MAP3K12: variants seen among roughly 807,000 people sequenced by gnomAD.
The protein encoded by MAP3K12 is mitogen-activated protein kinase kinase kinase 12.
A neutral mutation model predicts 87.5 loss-of-function variants in MAP3K12; 14 were observed. The observed-to-expected ratio is 0.16, with a 90% confidence interval of 0.11 to 0.25. MAP3K12 has a LOEUF of 0.25. Among genes scored for constraint, MAP3K12 ranks in the 10% least tolerant of loss-of-function variants. MAP3K12 has a pLI of 1.00. For synonymous variants in MAP3K12, 469 were observed against 452.5 expected, an observed-to-expected ratio of 1.04 and a Z score of -0.46; for missense variants, 802 against 1,140.4, an observed-to-expected ratio of 0.70 and a Z score of 4.27.
chr12:53,491,287 C>CAA (rs780256956), intron 1 of MAP3K12, among the ~76,000 whole-genome samples: 8 of 52,856 alleles, frequency 1.5e-4, no homozygotes, highest in African/African-American at 1.9e-4. Flanking sequence ...GACTCTGTCT[C>CAA]AAAAAAAAAA....
upstream of MAP3K12, chr12:53,500,575 G>C (rs552432657): frequency 6.6e-6 from 1 of 152,510 alleles, no homozygotes; most frequent in Non-Finnish European, 1.5e-5. Context: ...AGCAAGTTCT[G>C]TGTCACGGAG....
intron 1 of MAP3K12, among the ~76,000 whole-genome samples, chr12:53,494,031 G>A (rs1167750854): frequency 6.6e-6 from 1 of 152,146 alleles, no homozygotes; most frequent in African/African-American, 2.4e-5. Flanking sequence ...TAGTAAAGTG[G>A]AGATTCCTCT....
At chr12:53,481,826 T>G in intron 13 of MAP3K12, 115 bp downstream of exon 13, 1 of 1,305,938 alleles carries the variant, frequency 7.7e-7, no homozygotes, top group Non-Finnish European at 1.1e-6. Context: ...GGATATTTGC[T>G]CTTTATGGTA....
At position 53,479,674 on chromosome 12, in the gene MAP3K12, T is replaced by TTTTTTTTTTTTGG; in HGVS notation, c.*1507_*1508insCCAAAAAAAAAAA. The stretch of plus-strand genomic sequence containing the variant: ...TAGTTTTATAAGCTTCTCCCTGGTT[T>TTTTTTTTTTTTGG]TTTTTTTTTGGCTCATGAATTTTTC... On this transcript the variant is annotated 3_prime_UTR_variant, in exon 14 of 14. Coordinates refer to ENST00000547488, the MANE Select transcript of MAP3K12 (RefSeq NM_001193511.2). 1 of 385,566 alleles carries TTTTTTTTTTTTGG rather than the reference T, an allele frequency of 2.6e-6. No individual in the cohort carries two copies. Among genetic ancestry groups the TTTTTTTTTTTTGG allele is most frequent in the Non-Finnish European group, 4.6e-6 (1 of 215,934 alleles). 23.9% of individuals were successfully genotyped at this position (385,566 alleles called of 1,614,324 possible). A position where few individuals can be genotyped will look rare whatever the true frequency, so the allele number is the denominator to read the frequency against.
chr12:53,489,025 G>A (rs1943326336), intron 1 of MAP3K12, among the ~76,000 whole-genome samples: 1 of 142,490 alleles, frequency 7.0e-6, no homozygotes, highest in African/African-American at 2.7e-5. Context: ...GTTGCAGTAA[G>A]CCAAGATCAC....
At chr12:53,485,581 A>C in intron 4 of MAP3K12, 106 bp from the exon 5 acceptor site, 7 of 1,258,508 alleles carry the variant, frequency 5.6e-6, no homozygotes, top group Non-Finnish European at 6.7e-6. Context: ...TTTGAGACGG[A>C]GTCTCACTCT....
rs1396579911 is a variant in MAP3K12 at position 53,482,105 on chromosome 12, G to C, written c.2416C>G (p.Pro806Ala). 2 of 1,614,192 alleles carry C rather than the reference G, an allele frequency of 1.2e-6. No homozygotes were observed. Among genetic ancestry groups the C allele is most frequent in the African/African-American group, 1.3e-5 (1 of 75,038 alleles). ...TASEPSPSGT[P>A]EVGSTNTDER... ...TCAGTGTTGGTGCTGCCAACTTCAG[G>C]TGTGCCACTGGGGGAAGGTTCACTA... is the stretch of plus-strand genomic sequence containing the variant. The change falls in exon 13 of 14, where the codon CCT becomes GCT. Residue 806 changes from proline to alanine, a missense_variant. This residue lies in a region of MAP3K12 where 490 missense variants were observed against 496.6 expected (regional missense o/e 0.99). Coordinates refer to ENST00000547488, the MANE Select transcript of MAP3K12 (RefSeq NM_001193511.2).
At chr12:53,484,394 GGGA>G in intron 6 of MAP3K12, 29 bp from the exon 7 acceptor site, 1 of 1,563,422 alleles carries the variant, frequency 6.4e-7, no homozygotes, top group Non-Finnish European at 8.8e-7. Flanking sequence ...GGAAGGAGAG[GGGA>G]GAATTTGAGG....
At chr12:53,488,021 T>TA (rs1337418605) in intron 1 of MAP3K12, 1 of 152,512 alleles carries the variant, frequency 6.6e-6, no homozygotes, top group African/African-American at 2.4e-5. Flanking sequence ...CCCAGGTACT[T>TA]ACACACGGTA....
rs1315137282 is a variant in MAP3K12, at chr12:53,487,217, C to T, written c.175G>A (p.Gly59Ser). Residue 59 changes from glycine (G) to serine (S), a missense_variant, in exon 2 of 14, where the codon GGT (glycine) becomes AGT (serine). Physicochemically the swap from Gly to Ser is moderately conservative, Grantham distance 56 (BLOSUM62 0). Around this residue, in one of 5 missense-constraint regions of MAP3K12, gnomAD observed 135 missense variants for 151.6 expected, o/e 0.89. Coordinates refer to ENST00000547488, the MANE Select transcript of MAP3K12 (RefSeq NM_001193511.2). ...LRDVVPLGGQ[G>S]GGGPSPSPGG... is the part of the protein sequence containing the mutation. ...GGGGAGGGGCTGGGCCCTCCCCCACCCTGCCCACCAAGGGGTACCACATCT... is the reference window on the plus strand; with the variant it reads ...GGGGAGGGGCTGGGCCCTCCCCCACTCTGCCCACCAAGGGGTACCACATCT... The T allele has an allele frequency of 6.2e-7, 1 of 1,614,004 alleles. No individual in the cohort carries two copies. Among genetic ancestry groups the T allele is most frequent in the Non-Finnish European group, 8.5e-7 (1 of 1,179,936 alleles).
rs1942992089 is a variant in MAP3K12 at position 53,480,686 on chromosome 12, TG to T, written c.*495del. The T allele has an allele frequency of 6.6e-6, 1 of 152,450 alleles. No individual in the cohort carries two copies. The highest frequency in any genetic ancestry group is 1.5e-5 in the Non-Finnish European group (1 of 68,036). 9.4% of individuals were successfully genotyped at this position (152,450 alleles called of 1,614,324 possible). ...ACAGGGCTTGGGCAGAGAAGATAAA[TG>T]GTGGGACAAAAAAATGAGTTACATT... On this transcript the variant is annotated 3_prime_UTR_variant, in exon 14 of 14. Coordinates refer to ENST00000547488, the MANE Select transcript of MAP3K12 (RefSeq NM_001193511.2).
chr12:53,485,343 T>A lies in MAP3K12; in HGVS notation c.954A>T (p.Glu318Asp), dbSNP rs555124500. 1 of 1,614,112 alleles carries A rather than the reference T, an allele frequency of 6.2e-7. No homozygotes were observed. Among genetic ancestry groups the A allele is most frequent in the East Asian group, 2.2e-5 (1 of 44,880 alleles). Residue 318 changes from glutamate (E) to aspartate (D), a missense_variant, in exon 5 of 14, where the codon GAA becomes GAT. Glu to Asp is a conservative substitution (Grantham distance 45, BLOSUM62 2). Coordinates refer to ENST00000547488, the MANE Select transcript of MAP3K12 (RefSeq NM_001193511.2). The stretch of plus-strand genomic sequence containing the variant: ...AGATGTCGACCTTCTCAGACACAGG[T>A]TCATTGCGGATCACCTCAGGGGCCA... ...AWMAPEVIRN[E>D]PVSEKVDIWS...
At position 53,487,163 on chromosome 12, in the gene MAP3K12, C is replaced by CAA; in HGVS notation, c.227_228dup (p.Ala77LeufsTer59). On this transcript the variant is annotated frameshift_variant, in exon 2 of 14. Coordinates refer to ENST00000547488, the MANE Select transcript of MAP3K12 (RefSeq NM_001193511.2). LOFTEE classifies it high-confidence loss of function. ...TCATGTAGCTGCAGGACACTGTTGG[C>CAA]AAAAGGCTCAGGGGGCGGCTCTCCA... is the stretch of plus-strand genomic sequence containing the variant. 6.2e-7 allele frequency: 1 copy of CAA among 1,614,050 alleles called. No individual in the cohort carries two copies. The highest frequency in any genetic ancestry group is 8.5e-7 in the Non-Finnish European group (1 of 1,179,988).
rs780247581 is a variant in MAP3K12 at position 53,482,728 on chromosome 12, C to T, written c.2075G>A (p.Gly692Glu). The T allele has an allele frequency of 6.2e-7, 1 of 1,614,064 alleles. No individual in the cohort carries two copies. Among genetic ancestry groups the T allele is most frequent in the South Asian group, 1.1e-5 (1 of 91,084 alleles). ...APGSTSPDSP[G>E]GAKGEPPPPV... ...AGGAGGTGGTTCCCCTTTGGCTCCC[C>T]CAGGTGAATCTGGGCTGGTGGAGCC... The change falls in exon 11 of 14, where the codon GGG (glycine) becomes GAG (glutamate). Residue 692 changes from glycine (G) to glutamate (E), a missense_variant. Around this residue, in one of 5 missense-constraint regions of MAP3K12, gnomAD observed 490 missense variants for 496.6 expected, o/e 0.99. Coordinates refer to ENST00000547488, the MANE Select transcript of MAP3K12 (RefSeq NM_001193511.2).
chr12:53,497,157 AT>A (rs1345364823), intron 1 of MAP3K12, among the ~76,000 whole-genome samples: 5 of 152,238 alleles, frequency 3.3e-5, no homozygotes, highest in Non-Finnish European at 1.5e-5. Context: ...TGATAACACT[AT>A]CTCACTTGGT....
Position 53,483,320 on chromosome 12 carries a change from A to G in MAP3K12, c.1613+29T>C, listed in dbSNP as rs756952711. 1.8e-5 allele frequency: 29 copies of G among 1,609,670 alleles called. No individual in the cohort carries two copies. The East Asian group carries it at 4.9e-4, about 27-fold the overall frequency. ...TTGCCACTTCAGTATCCCTCTTGCC[A>G]TATTGGAACCACAGTACTCATGTCC... On this transcript the variant is annotated intron_variant, in intron 10 of 13. Transcript: ENST00000547488.
chr12:53,495,328 T>C (rs1482159245), intron 1 of MAP3K12, among the ~76,000 whole-genome samples: 6 of 93,126 alleles, frequency 6.4e-5, no homozygotes, highest in Non-Finnish European at 5.7e-5. Context: ...GACAGAGCAA[T>C]ACTCTGTCTC....
In MAP3K12 at chr12:53,484,944, G is replaced by C. The variant is rs566987949; in HGVS notation, c.1139+112C>G. 1.7e-4 allele frequency: 229 copies of C among 1,367,482 alleles called. 1 individual carries two copies. The African/African-American group carries it at 3.0e-3, about 18-fold the overall frequency. The allele number at this position is 1,367,482 out of a possible 1,614,324, so 84.7% of individuals were successfully genotyped here. A position where few individuals can be genotyped will look rare whatever the true frequency, so the allele number is the denominator to read the frequency against. ...TAGCATGAGCCTGATTCAGATGAAAGTCAGTCTCTTTGAATTAAATGTACC... is the reference window on the plus strand; with the variant it reads ...TAGCATGAGCCTGATTCAGATGAAACTCAGTCTCTTTGAATTAAATGTACC... On this transcript the variant is annotated intron_variant, in intron 6 of 13. Transcript: ENST00000547488.
chr12:53,489,314 G>A (rs1333998801), intron 1 of MAP3K12, among the ~76,000 whole-genome samples: 3 of 151,848 alleles, frequency 2.0e-5, no homozygotes, highest in South Asian at 2.1e-4. Context: ...GCCAAACCCC[G>A]TCTCAAAAAA....
Sources: gnomAD v4.1 joint callset for allele counts (sites outside exome capture counted in the v4.1 genomes callset) on GRCh38, gnomAD v4.1.1 for gene constraint, gnomAD v4.1.1 regional missense constraint, MANE v1.5 for transcripts, NCBI Gene and HGNC (gene_info 2026-07-23, HGNC 2026-07-21) for gene names.